The following SPTBN1 variants were observed in gnomAD, a reference collection of about 807,000 sequenced individuals.
SPTBN1 encodes spectrin beta, non-erythrocytic 1.
In SPTBN1, 32 loss-of-function variants were observed where a neutral mutation model predicts 266.4. That is an observed-to-expected ratio of 0.12 (90% confidence interval 0.09 to 0.16). The LOEUF is 0.16. Ranked by LOEUF, SPTBN1 falls within the 10% of genes least tolerant of loss-of-function variation. The probability of loss-of-function intolerance (pLI) is 1.00; values close to 1 mark genes in which losing one functional copy is unlikely to be tolerated. For missense variants in SPTBN1, 2,296 were observed against 3,067.1 expected (o/e 0.75, Z 5.94); for synonymous variants, 1,336 against 1,162.2 (o/e 1.15, Z -3.04).
chr2:54,480,394 G>C (rs1250660054), intron 1 of SPTBN1, among the ~76,000 whole-genome samples: 1 of 152,180 alleles, frequency 6.6e-6, no homozygotes, highest in Non-Finnish European at 1.5e-5. Context: ...AGAATGCCTG[G>C]TTAAATTTTA....
intron 2 of SPTBN1, among the ~76,000 whole-genome samples, chr2:54,582,787 A>T (rs975230132): frequency 4.6e-5 from 7 of 151,770 alleles, no homozygotes; most frequent in Admixed American, 3.3e-4. Context: ...CTAATGTAGA[A>T]CTCTCTGTAG....
chr2:54,635,596 C>G (rs1440856887), intron 17 of SPTBN1, among the ~76,000 whole-genome samples: 3 of 152,226 alleles, frequency 2.0e-5, no homozygotes, highest in Non-Finnish European at 4.4e-5. Context: ...ATGAATCTTT[C>G]CAGTGTTTGA....
At chr2:54,549,848 G>A (rs1248745520) in intron 2 of SPTBN1, among the ~76,000 whole-genome samples, 4 of 152,328 alleles carry the variant, frequency 2.6e-5, no homozygotes, top group Admixed American at 6.5e-5. Flanking sequence ...GACAGGTGGG[G>A]CACTGATCAG....
rs1448571700 is a variant in SPTBN1 at position 54,612,340 on chromosome 2, G to A, written c.474+6G>A. The stretch of plus-strand genomic sequence containing the variant: ...CCATCATCCTGCGCTTCCAGGTAAG[G>A]GTCTCTGCCCAGGGTTGCTCAGAAC... On this transcript the variant is annotated splice_donor_region_variant and intron_variant, in intron 4 of 35. Transcript: ENST00000356805. 1.2e-6 allele frequency: 2 copies of A among 1,609,572 alleles called. No individual in the cohort carries two copies. The highest frequency in any genetic ancestry group is 1.7e-5 in the Admixed American group (1 of 59,708).
At chr2:54,591,890 G>T (rs1417144895) in intron 2 of SPTBN1, among the ~76,000 whole-genome samples, 1 of 152,144 alleles carries the variant, frequency 6.6e-6, no homozygotes, top group Non-Finnish European at 1.5e-5. Flanking sequence ...ATAAATATGG[G>T]GCTGGGTGCA....
At position 54,671,380 on chromosome 2, in the gene SPTBN1, A is replaced by G. The variant is rs1385639885; in HGVS notation, c.*2811A>G. On this transcript the variant is annotated 3_prime_UTR_variant, in exon 36 of 36. Coordinates refer to ENST00000356805, the MANE Select transcript of SPTBN1 (RefSeq NM_003128.3). The stretch of plus-strand genomic sequence containing the variant: ...AGAATTGCTTGTGTATGGGGATCCT[A>G]TGTTAGTTCCCCTGGATACATTGTT... 2 of 152,164 alleles carry G rather than the reference A, an allele frequency of 1.3e-5. No individual in the cohort carries two copies. Among genetic ancestry groups the G allele is most frequent in the East Asian group, 3.8e-4 (2 of 5,198 alleles). The allele number at this position is 152,164 out of a possible 1,614,324, so 9.4% of individuals were successfully genotyped here.
intron 26 of SPTBN1, chr2:54,652,727 T>G (rs956909324): frequency 6.6e-6 from 1 of 152,250 alleles, no homozygotes; most frequent in African/African-American, 2.4e-5. Context: ...CTGACAAATA[T>G]ATCATCACAC....
chr2:54,612,613 C>T (rs1227038459), intron 4 of SPTBN1, among the ~76,000 whole-genome samples: 1 of 152,180 alleles, frequency 6.6e-6, no homozygotes, highest in East Asian at 1.9e-4. Flanking sequence ...GCATCCCAGC[C>T]CGCCACTTTG....
chr2:54,617,563 A>T, intron 5 of SPTBN1, 45 bp from the exon 6 acceptor site: 1 of 1,590,130 alleles, frequency 6.3e-7, no homozygotes, highest in African/African-American at 1.3e-5. Context: ...ATAAACCTCC[A>T]TGTGGTAATT....
chr2:54,457,198 G>T (rs1263365308), intron 1 of SPTBN1: 1 of 139,082 alleles, frequency 7.2e-6, no homozygotes, highest in Non-Finnish European at 1.5e-5. Context: ...CCAGGGCTGG[G>T]CGTGAGCCGC....
chr2:54,649,060 G>A lies in SPTBN1; in HGVS notation c.5072G>A (p.Arg1691Lys). The change falls in exon 25 of 36, where the codon AGA (arginine) becomes AAA (lysine). Residue 1691 changes from arginine (R) to lysine (K), a missense_variant. By Grantham distance (26) the Arg-to-Lys change is conservative. Transcript: ENST00000356805. The surrounding 1 kb of genome is among the most constrained non-coding windows in gnomAD (Gnocchi z 6.7). Reference sequence around the variant, plus strand: ...CTGAAAGACCTTGCTGAAGAGAGAAGAGGCAAGCTGGATGAGAGACACAGG... The same window carrying A: ...CTGAAAGACCTTGCTGAAGAGAGAAAAGGCAAGCTGGATGAGAGACACAGG... ...AGLKDLAEER[R>K]GKLDERHRLF... 4.3e-6 allele frequency: 7 copies of A among 1,614,236 alleles called. No homozygotes were observed. The highest frequency in any genetic ancestry group is 5.9e-6 in the Non-Finnish European group (7 of 1,180,036).
intron 1 of SPTBN1, among the ~76,000 whole-genome samples, chr2:54,484,370 C>G (rs956758848): frequency 1.3e-5 from 2 of 152,188 alleles, no homozygotes; most frequent in African/African-American, 4.8e-5. Flanking sequence ...GCTCTCCTTC[C>G]TTTCCCATTG....
At chr2:54,588,064 A>G (rs1675405897) in intron 2 of SPTBN1, among the ~76,000 whole-genome samples, 1 of 152,216 alleles carries the variant, frequency 6.6e-6, no homozygotes, top group South Asian at 2.1e-4. Flanking sequence ...TGTGGGATCA[A>G]CAGTATTATT....
chr2:54,459,102 G>A (rs1693225146), intron 1 of SPTBN1, among the ~76,000 whole-genome samples: 2 of 152,196 alleles, frequency 1.3e-5, no homozygotes, highest in African/African-American at 4.8e-5. Context: ...AATATCCTGT[G>A]TTGATGTCAC....
At chr2:54,519,269 A>G (rs1180132644) in intron 1 of SPTBN1, among the ~76,000 whole-genome samples, 3 of 152,242 alleles carry the variant, frequency 2.0e-5, no homozygotes, top group Non-Finnish European at 2.9e-5. Flanking sequence ...TGATGGGATC[A>G]TGACCTCAAG....
intron 2 of SPTBN1, among the ~76,000 whole-genome samples, chr2:54,535,323 A>G (rs146935469): frequency 1.4e-4 from 22 of 152,330 alleles, no homozygotes; most frequent in African/African-American, 4.6e-4. Context: ...ACTCAGAGTT[A>G]TGTGACAATT....
intron 17 of SPTBN1, among the ~76,000 whole-genome samples, chr2:54,633,669 G>A (rs1006372708): frequency 2.0e-5 from 3 of 152,174 alleles, no homozygotes; most frequent in African/African-American, 7.2e-5. Context: ...TGAGACTGAT[G>A]TAATCAAAAA....
chr2:54,662,406 A>G (rs1341651817), intron 32 of SPTBN1: 15 of 880,568 alleles, frequency 1.7e-5, no homozygotes, highest in Non-Finnish European at 1.9e-5. Context: ...CTCTAAAGAA[A>G]AAATTTTTGC....
chr2:54,653,536 A>T lies in SPTBN1; in HGVS notation c.5578-73A>T. Reference sequence around the variant, plus strand: ...GCTCCCTTTAGTGTATGAGCAGAACAGAATAGGGCTTGGGGTGATGGTGGG... The same window carrying T: ...GCTCCCTTTAGTGTATGAGCAGAACTGAATAGGGCTTGGGGTGATGGTGGG... On this transcript the variant is annotated intron_variant, in intron 26 of 35. Transcript: ENST00000356805. The surrounding 1 kb of genome is among the most constrained non-coding windows in gnomAD (Gnocchi z 5.1). 1 of 1,571,604 alleles carries T rather than the reference A, an allele frequency of 6.4e-7. No homozygotes were observed. Among genetic ancestry groups the T allele is most frequent in the Non-Finnish European group, 8.6e-7 (1 of 1,166,740 alleles).
Sources: allele counts gnomAD v4.1 joint callset (sites outside exome capture counted in the v4.1 genomes callset), GRCh38; gene constraint gnomAD v4.1.1; non-coding constraint Gnocchi (gnomAD v3.1); transcripts MANE v1.5; gene names NCBI Gene and HGNC (gene_info 2026-07-23, HGNC 2026-07-21).